The following TNS3 variants were observed in gnomAD, a reference collection of about 807,000 sequenced individuals.
The protein encoded by TNS3 is tensin 3.
A neutral mutation model predicts 140.9 loss-of-function variants in TNS3; 45 were observed. That is an observed-to-expected ratio of 0.32 (90% CI 0.25 to 0.41). TNS3 has a LOEUF of 0.41. Ranked by LOEUF, TNS3 falls within the 10% of genes least tolerant of loss-of-function variation. The pLI, the probability that TNS3 is intolerant of heterozygous loss-of-function variation, is 1.00. For missense variants in TNS3, 1,716 were observed against 1,906.7 expected, an observed-to-expected ratio of 0.90 and a Z score of 1.86; for synonymous variants, 815 against 788.4, an observed-to-expected ratio of 1.03 and a Z score of -0.56.
At chr7:47,409,299 G>A (rs573854257) in intron 13 of TNS3, among the ~76,000 whole-genome samples, 3 of 150,480 alleles carry the variant, frequency 2.0e-5, no homozygotes, top group Admixed American at 2.0e-4. Flanking sequence ...AGACCCTGCA[G>A]CTACCAGCCC....
chr7:47,548,307 T>C (rs1051057689), intron 1 of TNS3, among the ~76,000 whole-genome samples: 4 of 152,172 alleles, frequency 2.6e-5, no homozygotes, highest in Non-Finnish European at 5.9e-5. Context: ...CCTCCTTGAA[T>C]GCCTACCCAG....
At chr7:47,348,201 C>T (rs1789459992) in intron 17 of TNS3, among the ~76,000 whole-genome samples, 1 of 152,252 alleles carries the variant, frequency 6.6e-6, no homozygotes, top group African/African-American at 2.4e-5. Flanking sequence ...GGAGTTTGTT[C>T]CTGAAGCAGT....
chr7:47,544,988 C>G (rs1205458160), intron 1 of TNS3, among the ~76,000 whole-genome samples: 3 of 151,962 alleles, frequency 2.0e-5, no homozygotes, highest in Non-Finnish European at 4.4e-5. Context: ...GATGTTAGGA[C>G]TTACTCTGCC....
At chr7:47,402,140 A>G (rs191193444) in intron 13 of TNS3, among the ~76,000 whole-genome samples, 1 of 152,334 alleles carries the variant, frequency 6.6e-6, no homozygotes, top group Non-Finnish European at 1.5e-5. Context: ...AAAAGCCCAG[A>G]AACCCAGCCC....
chr7:47,456,390 T>C (rs35998758), intron 4 of TNS3, among the ~76,000 whole-genome samples: 29,855 of 152,122 alleles, frequency 0.2, 3,093 homozygotes, highest in Non-Finnish European at 0.23. Flanking sequence ...CCCCGTGATA[T>C]TCGTCCTCTA....
At chr7:47,427,797 A>C (rs1405291308) in intron 9 of TNS3, among the ~76,000 whole-genome samples, 1 of 152,090 alleles carries the variant, frequency 6.6e-6, no homozygotes, top group Non-Finnish European at 1.5e-5. Flanking sequence ...TCTGAGCCTC[A>C]CCTCCCTCAT....
In TNS3 at chr7:47,448,860, T is replaced by G. The variant is rs578239097; in HGVS notation, c.-75-6805A>C. 2.6e-5 allele frequency among the ~76,000 whole-genome samples: 4 copies of G among 152,278 alleles called. No individual in the cohort carries two copies. The South Asian group carries it at 8.3e-4, about 32-fold the overall frequency. On this transcript the variant is annotated intron_variant, in intron 4 of 30. Transcript: ENST00000311160. ...TTTCCAAAACCTCACAGTATAGTAA[T>G]GAAATCTGAAATCAGACAGACCTGG... is the stretch of plus-strand genomic sequence containing the variant.
At chr7:47,537,534 G>T (rs1799647221) in intron 1 of TNS3, among the ~76,000 whole-genome samples, 1 of 152,096 alleles carries the variant, frequency 6.6e-6, no homozygotes, top group South Asian at 2.1e-4. Context: ...GCCGCCATCT[G>T]ATTGGAATTA....
chr7:47,384,709 A>C (rs1791974653), intron 16 of TNS3, among the ~76,000 whole-genome samples: 1 of 152,092 alleles, frequency 6.6e-6, no homozygotes, highest in Non-Finnish European at 1.5e-5. Flanking sequence ...GCATGTATCC[A>C]GCCCTTCCCT....
intron 3 of TNS3, among the ~76,000 whole-genome samples, chr7:47,494,406 G>C (rs1797924413): frequency 6.6e-6 from 1 of 152,188 alleles, no homozygotes; most frequent in African/African-American, 2.4e-5. Flanking sequence ...CTCTGAAAAA[G>C]CGAAAGGTTT....
At chr7:47,509,102 G>T (rs1248220937) in intron 2 of TNS3, among the ~76,000 whole-genome samples, 1 of 152,186 alleles carries the variant, frequency 6.6e-6, no homozygotes, top group Admixed American at 6.5e-5. Flanking sequence ...CATGCAACAC[G>T]CCAACTCAAC....
chr7:47,312,686 G>C (rs1027676977), intron 20 of TNS3, among the ~76,000 whole-genome samples: 2 of 140,634 alleles, frequency 1.4e-5, no homozygotes, highest in African/African-American at 5.3e-5. Flanking sequence ...CTGGGCGAGA[G>C]AGCAAAACTC....
chr7:47,368,444 G>A lies in TNS3; in HGVS notation c.2202C>T (p.Asp734=). Residue 734 remains aspartate (D), a synonymous_variant, in exon 17 of 31, where the codon GAC becomes GAT. Coordinates refer to ENST00000311160, the MANE Select transcript of TNS3 (RefSeq NM_022748.12). Reference sequence around the variant, plus strand: ...TTGCCCGGAGCCCACCTCCCACGCTGTCTGGAGACACAGAGCCATTGGCCT... The same window carrying A: ...TTGCCCGGAGCCCACCTCCCACGCTATCTGGAGACACAGAGCCATTGGCCT... ...GSQANGSVSP[D]SVGGGLRASS... 6.4e-7 allele frequency: 1 copy of A among 1,566,410 alleles called. No homozygotes were observed.
intron 4 of TNS3, among the ~76,000 whole-genome samples, chr7:47,478,582 AG>A (rs1264921622): frequency 6.6e-6 from 1 of 152,202 alleles, no homozygotes; most frequent in Non-Finnish European, 1.5e-5. Context: ...ATTACATACA[AG>A]ATACATATAT....
At chr7:47,541,063 CT>C (rs1799770281) in intron 1 of TNS3, among the ~76,000 whole-genome samples, 2 of 152,324 alleles carry the variant, frequency 1.3e-5, no homozygotes, top group South Asian at 4.1e-4. Flanking sequence ...GAACCTCAGC[CT>C]CGGGCAACAG....
At position 47,534,502 on chromosome 7, in the gene TNS3, A is replaced by G. The variant is rs184207144; in HGVS notation, c.-264-5355T>C. On this transcript the variant is annotated intron_variant, in intron 1 of 30. Transcript: ENST00000311160. ...GAATCACTGGGGCAGTTTTTAAAACAGCTGACCCAGGCTCCACCCCAGACC... is the reference window on the plus strand; with the variant it reads ...GAATCACTGGGGCAGTTTTTAAAACGGCTGACCCAGGCTCCACCCCAGACC... Among the ~76,000 whole-genome samples the G allele has an allele frequency of 3.3e-4, 50 of 152,310 alleles. 1 individual carries two copies. The highest frequency in any genetic ancestry group is 1.0e-3 in the African/African-American group (42 of 41,588).
At chr7:47,487,270 G>A (rs1021313337) in intron 3 of TNS3, among the ~76,000 whole-genome samples, 9 of 150,562 alleles carry the variant, frequency 6.0e-5, no homozygotes, top group African/African-American at 2.2e-4. Flanking sequence ...TCCAGCCTGG[G>A]CGACAGAGCA....
At chr7:47,541,820 G>A (rs531743222) in intron 1 of TNS3, among the ~76,000 whole-genome samples, 2 of 152,082 alleles carry the variant, frequency 1.3e-5, no homozygotes, top group East Asian at 3.9e-4. Flanking sequence ...ATGGTGGCAG[G>A]CACCTGTAGT....
intron 3 of TNS3, among the ~76,000 whole-genome samples, chr7:47,489,174 C>T (rs920079061): frequency 1.3e-5 from 2 of 152,136 alleles, no homozygotes; most frequent in African/African-American, 2.4e-5. Context: ...GCCCGGCAGA[C>T]GCAATTAAAC....
Sources: allele counts gnomAD v4.1 joint callset (sites outside exome capture counted in the v4.1 genomes callset), GRCh38; gene constraint gnomAD v4.1.1; transcripts MANE v1.5; gene names NCBI Gene and HGNC (gene_info 2026-07-23, HGNC 2026-07-21).